The following TEX101 variants were observed in gnomAD, a reference collection of about 807,000 sequenced individuals.
TEX101 encodes testis expressed 101.
Under a neutral mutation model 18.1 loss-of-function variants are expected in TEX101, and 10 were observed. That is an observed-to-expected ratio of 0.55 (90% CI 0.34 to 0.94). The LOEUF (loss-of-function observed/expected upper bound fraction) is 0.94, where lower values mean the gene tolerates loss of function less well. Ranked by LOEUF, TEX101 falls within the 40% of genes least tolerant of loss-of-function variation. TEX101 has a pLI of 0.02. For synonymous variants in TEX101, 94 were observed against 114.8 expected, an observed-to-expected ratio of 0.82 and a Z score of 1.16; for missense variants, 259 against 298.9, an observed-to-expected ratio of 0.87 and a Z score of 0.98.
intron 4 of TEX101, 39 bp downstream of exon 4, chr19:43,416,594 T>C (rs1174488908): frequency 1.3e-6 from 2 of 1,581,464 alleles, no homozygotes; most frequent in Admixed American, 3.5e-5. Flanking sequence ...TAAGAGAAAC[T>C]CCATAAAGAG....
the TEX101 span, among the ~76,000 whole-genome samples, chr19:43,393,103 G>GGAAGGAAGGAAGGAAA: frequency 0.017 from 2,429 of 144,324 alleles, 59 homozygotes; most frequent in Middle Eastern, 0.032. Context: ...AAGGAAGGAA[G>GGAAGGAAGGAAGGAAA]GAAAGAAAGA....
rs1298576070 is a variant in TEX101, at chr19:43,417,082, G to C, written c.391+527G>C. On this transcript the variant is annotated intron_variant, in intron 4 of 5. Transcript: ENST00000598265. ...GACATCAGTGTAGGTTTCCGAACAG[G>C]GTGGTATTATCAGTCTAACAAGTAT... 2.3e-4 allele frequency among the ~76,000 whole-genome samples: 35 copies of C among 151,342 alleles called. 1 individual carries two copies. The highest frequency in any genetic ancestry group is 2.3e-3 in the Admixed American group (35 of 15,166).
chr19:43,406,081 C>CAAAAAAAAAAA (rs34029449), intron 2 of TEX101: 5,198 of 58,642 alleles, frequency 0.089, 889 homozygotes, highest in East Asian at 0.26. Context: ...CCTGTCTCTA[C>CAAAAAAAAAAA]AAAAAAAAAA....
chr19:43,408,699 G>GTCAC (rs752809072), intron 3 of TEX101, among the ~76,000 whole-genome samples: 12 of 151,866 alleles, frequency 7.9e-5, no homozygotes, highest in Non-Finnish European at 1.5e-4. Flanking sequence ...GCAGATCGAG[G>GTCAC]TCACTCCAGC....
At chr19:43,392,412 T>C in the TEX101 span, among the ~76,000 whole-genome samples, 6 of 152,024 alleles carry the variant, frequency 3.9e-5, no homozygotes, top group Non-Finnish European at 7.4e-5. Context: ...GGCCTAGGAC[T>C]AAAAATTAAG....
At chr19:43,389,501 A>G in the TEX101 span, among the ~76,000 whole-genome samples, 3 of 152,140 alleles carry the variant, frequency 2.0e-5, no homozygotes, top group South Asian at 2.1e-4. Context: ...TAGCCAGAAG[A>G]TCTTGACCGG....
At chr19:43,416,619 C>T in intron 4 of TEX101, 64 bp downstream of exon 4, 1 of 1,512,834 alleles carries the variant, frequency 6.6e-7, no homozygotes, top group Non-Finnish European at 9.0e-7. Context: ...TGTATGGCCT[C>T]CCTTTGCATT....
At chr19:43,398,764 C>A (rs180957662), upstream of TEX101, among the ~76,000 whole-genome samples, 466 of 152,232 alleles carry the variant, frequency 3.1e-3, 2 homozygotes, top group African/African-American at 0.01. Context: ...TAGTAAGATA[C>A]GTCCTTCCAG....
chr19:43,395,227 T>G, the TEX101 span, among the ~76,000 whole-genome samples: 2 of 152,210 alleles, frequency 1.3e-5, no homozygotes, highest in Non-Finnish European at 1.5e-5. Flanking sequence ...CTTTATCATC[T>G]GGGTAGAAAA....
Position 43,418,005 on chromosome 19 carries a change from AGGT to A in TEX101, c.520_520+2del, listed in dbSNP as rs746079885. The A allele has an allele frequency of 6.2e-7, 1 of 1,614,180 alleles. No individual in the cohort carries two copies. On this transcript the variant is annotated splice_donor_variant and coding_sequence_variant, in exon 5 of 6. Coordinates refer to ENST00000598265, the MANE Select transcript of TEX101 (RefSeq NM_001130011.3). LOFTEE classifies it high-confidence loss of function. ...ATCAAGGAAAACTTGAGATCACTGG[AGGT>A]AAACTGAAATGAACATCTGATAGTT...
In TEX101 at chr19:43,416,127, T is replaced by C; in HGVS notation, c.93T>C (p.Gly31=). 3 of 1,612,418 alleles carry C rather than the reference T, an allele frequency of 1.9e-6. No homozygotes were observed. The highest frequency in any genetic ancestry group is 2.5e-6 in the Non-Finnish European group (3 of 1,179,252). ...GCCTAGAGCTGTATTGTCAAAAGGGTCTGTCCATGACTGTGGAAGCAGATC... is the reference window on the plus strand; with the variant it reads ...GCCTAGAGCTGTATTGTCAAAAGGGCCTGTCCATGACTGTGGAAGCAGATC... The part of the protein sequence containing the change: ...TSGLELYCQK[G]LSMTVEADPA... The change falls in exon 3 of 6, where the codon GGT becomes GGC. Residue 31 remains glycine, a synonymous_variant. Transcript: ENST00000598265.
chr19:43,407,371 G>C (rs1028047001), intron 3 of TEX101, among the ~76,000 whole-genome samples: 1 of 152,080 alleles, frequency 6.6e-6, no homozygotes, highest in African/African-American at 2.4e-5. Flanking sequence ...TGTAATCCCA[G>C]CTACTCGGGA....
upstream of TEX101, among the ~76,000 whole-genome samples, chr19:43,398,219 T>A (rs571540234): frequency 1.9e-3 from 204 of 109,328 alleles, 1 homozygote; most frequent in African/African-American, 7.1e-3. Context: ...TATATAAATA[T>A]GTATAACATA....
rs1379021381 is a variant in TEX101 at position 43,417,863 on chromosome 19, C to T, written c.392-15C>T. 1 of 1,613,872 alleles carries T rather than the reference C, an allele frequency of 6.2e-7. No homozygotes were observed. The highest frequency in any genetic ancestry group is 8.5e-7 in the Non-Finnish European group (1 of 1,179,842). The stretch of plus-strand genomic sequence containing the variant: ...GCAGGACCTGCCCTTAACTGTCTCT[C>T]TCATTTCCCTCCAGCTTCCACTGTG... On this transcript the variant is annotated splice_polypyrimidine_tract_variant and intron_variant, in intron 4 of 5. Transcript: ENST00000598265.
upstream of TEX101, among the ~76,000 whole-genome samples, chr19:43,413,719 G>A (rs189226096): frequency 1.9e-3 from 295 of 152,192 alleles, no homozygotes; most frequent in Non-Finnish European, 2.2e-3. Flanking sequence ...CTGGGAGGCC[G>A]AGGTGGGCAG....
intron 1 of TEX101, chr19:43,402,711 G>A (rs1970328499): frequency 6.6e-6 from 1 of 152,132 alleles, no homozygotes; most frequent in African/African-American, 2.4e-5. Flanking sequence ...CTCCTGAGTA[G>A]CTGGGACTAC....
At chr19:43,393,488 C>T in the TEX101 span, among the ~76,000 whole-genome samples, 803 of 152,184 alleles carry the variant, frequency 5.3e-3, 5 homozygotes, top group African/African-American at 0.016. Flanking sequence ...GAGGGCTGGG[C>T]TGGCTGTTTC....
chr19:43,412,118 C>T (rs1412575579), upstream of TEX101, among the ~76,000 whole-genome samples: 1 of 152,166 alleles, frequency 6.6e-6, no homozygotes, highest in Non-Finnish European at 1.5e-5. Flanking sequence ...TAAAGAAATA[C>T]CTGAGACTAG....
rs1555746497 is a variant in TEX101, at chr19:43,416,102, G to C, written c.68G>C (p.Gly23Ala). ...CCTTTTCTTGTTTTCTCCTCAGCGG[G>C]CCTAGAGCTGTATTGTCAAAAGGGT... ...LVLGASLLTS[G>A]LELYCQKGLS... Residue 23 changes from glycine to alanine, a missense_variant, in exon 3 of 6, where the codon GGC becomes GCC. Coordinates refer to ENST00000598265, the MANE Select transcript of TEX101 (RefSeq NM_001130011.3). The C allele has an allele frequency of 2.4e-5, 39 of 1,610,050 alleles. 1 individual carries two copies. The South Asian group carries it at 4.1e-4, about 17-fold the overall frequency.
Sources: allele counts gnomAD v4.1 joint callset (sites outside exome capture counted in the v4.1 genomes callset), GRCh38; gene constraint gnomAD v4.1.1; transcripts MANE v1.5; gene names NCBI Gene and HGNC (gene_info 2026-07-23, HGNC 2026-07-21).